The following ODF2L variants were observed in gnomAD, a reference collection of about 807,000 sequenced individuals.
ODF2L encodes the protein protein BCAP.
In ODF2L, 76 loss-of-function variants were observed where a neutral mutation model predicts 86.3. That is an observed-to-expected ratio of 0.88 (90% CI 0.73 to 1.07). The LOEUF (loss-of-function observed/expected upper bound fraction) is 1.07. Among genes scored for constraint, ODF2L ranks in the 50% least tolerant of loss-of-function variants. The pLI, the probability that ODF2L is intolerant of heterozygous loss-of-function variation, is 0.00. For synonymous variants in ODF2L, 241 were observed against 231.3 expected, an observed-to-expected ratio of 1.04 and a Z score of -0.38; for missense variants, 748 against 717.4, an observed-to-expected ratio of 1.04 and a Z score of -0.49.
intron 1 of ODF2L, among the ~76,000 whole-genome samples, chr1:86,394,882 C>G (rs187878410): frequency 1.4e-5 from 2 of 146,496 alleles, no homozygotes; most frequent in East Asian, 4.0e-4. Flanking sequence ...GCGCTGTCGC[C>G]CAGGCTGGAG....
chr1:86,393,979 T>A (rs1661519878), intron 1 of ODF2L, among the ~76,000 whole-genome samples: 1 of 152,190 alleles, frequency 6.6e-6, no homozygotes, highest in Admixed American at 6.5e-5. Flanking sequence ...CAGAATATTG[T>A]CTAATCCCAA....
chr1:86,375,985 C>T (rs879141409), intron 8 of ODF2L, among the ~76,000 whole-genome samples: 7 of 151,628 alleles, frequency 4.6e-5, no homozygotes, highest in African/African-American at 9.7e-5. Context: ...TGTGTGGAGG[C>T]GGGGGGGACA....
At chr1:86,380,345 A>G (rs938350163) in intron 7 of ODF2L, among the ~76,000 whole-genome samples, 1 of 152,140 alleles carries the variant, frequency 6.6e-6, no homozygotes, top group Non-Finnish European at 1.5e-5. Flanking sequence ...ATTGTTTTTA[A>G]AAAACAAAAT....
chr1:86,358,823 G>A, exon 13 of ODF2L: 1 of 1,527,832 alleles, frequency 6.5e-7, no homozygotes, highest in East Asian at 2.4e-5. Flanking sequence ...TTGTTATTTG[G>A]TTATTTTTAT....
At position 86,372,551 on chromosome 1, in the gene ODF2L, C is replaced by T. The variant is rs750970625; in HGVS notation, c.811-11G>A. On this transcript the variant is annotated splice_polypyrimidine_tract_variant and intron_variant, in intron 8 of 17. Transcript: ENST00000317336. ...AGACAACTTGGCTTCCTAAAAAATA[C>T]ATAAAAGTATTCATACTATAATTTT... is the stretch of plus-strand genomic sequence containing the variant. 97 of 1,361,396 alleles carry T rather than the reference C, an allele frequency of 7.1e-5. No individual in the cohort carries two copies. The highest frequency in any genetic ancestry group is 8.9e-5 in the Non-Finnish European group (90 of 1,007,584). 84.3% of individuals were successfully genotyped at this position (1,361,396 alleles called of 1,614,324 possible). A position where few individuals can be genotyped will look rare whatever the true frequency, so the allele number is the denominator to read the frequency against.
chr1:86,392,201 G>A (rs1228787026), intron 1 of ODF2L, among the ~76,000 whole-genome samples: 1 of 152,156 alleles, frequency 6.6e-6, no homozygotes, highest in Non-Finnish European at 1.5e-5. Flanking sequence ...TGGCATGGAT[G>A]CAGTGAAAAG....
chr1:86,394,658 T>C (rs1000278189), intron 1 of ODF2L, among the ~76,000 whole-genome samples: 1 of 152,030 alleles, frequency 6.6e-6, no homozygotes, highest in Non-Finnish European at 1.5e-5. Flanking sequence ...GTTCTAAAGT[T>C]TGTCACAAGG....
At chr1:86,360,563 A>T in intron 11 of ODF2L, 27 bp from the exon 11 acceptor site, 1 of 1,063,822 alleles carries the variant, frequency 9.4e-7, no homozygotes, top group Non-Finnish European at 1.4e-6. Context: ...AGATTTTATA[A>T]GTCATTAGAA....
chr1:86,371,616 T>C (rs1558033667), intron 9 of ODF2L, among the ~76,000 whole-genome samples: 1 of 152,132 alleles, frequency 6.6e-6, no homozygotes, highest in Non-Finnish European at 1.5e-5. Flanking sequence ...TAAAATCAAA[T>C]ATTCAGGGTT....
At chr1:86,359,882 A>T (rs1305851926) in intron 12 of ODF2L, among the ~76,000 whole-genome samples, 1 of 152,172 alleles carries the variant, frequency 6.6e-6, no homozygotes, top group African/African-American at 2.4e-5. Flanking sequence ...AAGGACCTGC[A>T]TAAGTCCCAT....
chr1:86,358,701 G>A, intron 13 of ODF2L, 86 bp downstream of exon 12: 2 of 549,760 alleles, frequency 3.6e-6, no homozygotes, highest in South Asian at 3.3e-5. Context: ...ATGAACTAGA[G>A]AAAATGACCA....
chr1:86,348,690 C>T, downstream of ODF2L: 19 of 1,265,904 alleles, frequency 1.5e-5, no homozygotes, highest in South Asian at 6.4e-5. Context: ...ATTTTTTTAC[C>T]CAATCACATT....
In ODF2L at chr1:86,390,215, G is replaced by C. The variant is rs1661222755; in HGVS notation, c.-59-3129C>G. Reference sequence around the variant, plus strand: ...AAGCGGGTGGATCGTGAGGTCAGGAGTTCAAGACCAGCCTGGCCAAGATGG... The same window carrying C: ...AAGCGGGTGGATCGTGAGGTCAGGACTTCAAGACCAGCCTGGCCAAGATGG... On this transcript the variant is annotated intron_variant, in intron 1 of 17. Coordinates refer to ENST00000317336, the Ensembl canonical transcript of ODF2L. 3.9e-5 allele frequency among the ~76,000 whole-genome samples: 6 copies of C among 152,196 alleles called. 1 individual carries two copies. Among genetic ancestry groups the C allele is most frequent in the Admixed American group, 3.9e-4 (6 of 15,282 alleles).
At chr1:86,368,574 A>T in intron 11 of ODF2L, 1 of 1,258,584 alleles carries the variant, frequency 7.9e-7, no homozygotes, top group Non-Finnish European at 1.0e-6. Context: ...AATCAAAAAC[A>T]CATTTTATTT....
chr1:86,365,334 A>G (rs1659325761), intron 11 of ODF2L, among the ~76,000 whole-genome samples: 1 of 152,210 alleles, frequency 6.6e-6, no homozygotes, highest in South Asian at 2.1e-4. Flanking sequence ...TTACTAAATG[A>G]CTGATGTATT....
At chr1:86,379,750 T>A (rs1391825640) in intron 7 of ODF2L, among the ~76,000 whole-genome samples, 1 of 152,304 alleles carries the variant, frequency 6.6e-6, no homozygotes, top group African/African-American at 2.4e-5. Flanking sequence ...ATAAAGTAAA[T>A]GTATGGAAGT....
intron 3 of ODF2L, 125 bp downstream of exon 3, chr1:86,385,333 A>C: frequency 1.8e-6 from 1 of 569,770 alleles, no homozygotes; most frequent in Non-Finnish European, 3.1e-6. Context: ...AATTCTGATA[A>C]ACCCTCATTT....
intron 14 of ODF2L, chr1:86,355,172 A>C (rs1289325560): frequency 5.5e-6 from 3 of 543,782 alleles, no homozygotes; most frequent in African/African-American, 3.9e-5. Flanking sequence ...GAAATAGGAA[A>C]ATTTTAAGCA....
chr1:86,356,703 G>A, intron 13 of ODF2L, 101 bp from the exon 13 acceptor site: 1 of 923,550 alleles, frequency 1.1e-6, no homozygotes, highest in Non-Finnish European at 1.5e-6. Context: ...AAGTATTTTA[G>A]GTATAATGGC....
Sources: allele counts gnomAD v4.1 joint callset (sites outside exome capture counted in the v4.1 genomes callset), GRCh38; gene constraint gnomAD v4.1.1; transcripts MANE v1.5; gene names NCBI Gene and HGNC (gene_info 2026-07-23, HGNC 2026-07-21).